TBPL1: variants seen among roughly 807,000 people sequenced by gnomAD.
TBPL1 encodes the protein TATA box-binding protein-like 1.
In TBPL1, 4 loss-of-function variants were observed where a neutral mutation model predicts 22.1. That is an observed-to-expected ratio of 0.18 (90% CI 0.09 to 0.41). TBPL1 has a LOEUF of 0.41. Ranked by LOEUF, TBPL1 falls within the 10% of genes least tolerant of loss-of-function variation. The pLI, the probability that TBPL1 is intolerant of heterozygous loss-of-function variation, is 1.00. For synonymous variants in TBPL1, 64 were observed against 71.0 expected (o/e 0.90, Z 0.50); for missense variants, 115 against 222.3 (o/e 0.52, Z 3.07).
upstream of TBPL1, chr6:133,953,082 T>G (rs1309623576): frequency 6.6e-6 from 1 of 150,896 alleles, no homozygotes; most frequent in East Asian, 2.0e-4. Flanking sequence ...ACGGGGAAAG[T>G]GACGGGAGCA....
chr6:133,964,872 T>C (rs1776091601), intron 1 of TBPL1, among the ~76,000 whole-genome samples: 1 of 152,146 alleles, frequency 6.6e-6, no homozygotes, highest in East Asian at 1.9e-4. Flanking sequence ...ATATGAGGGG[T>C]AACTCTATAA....
At chr6:133,957,096 A>G (rs992249362) in intron 1 of TBPL1, among the ~76,000 whole-genome samples, 1 of 152,208 alleles carries the variant, frequency 6.6e-6, no homozygotes, top group Non-Finnish European at 1.5e-5. Context: ...CTAAAGGGTG[A>G]TAAAATAGAG....
intron 1 of TBPL1, among the ~76,000 whole-genome samples, chr6:133,964,739 T>C (rs1223119960): frequency 6.6e-6 from 1 of 152,132 alleles, no homozygotes; most frequent in East Asian, 1.9e-4. Flanking sequence ...TGAGCCACCA[T>C]GCCCGGCCGA....
chr6:133,973,123 T>C (rs1776252863), intron 1 of TBPL1, among the ~76,000 whole-genome samples: 1 of 152,214 alleles, frequency 6.6e-6, no homozygotes, highest in Non-Finnish European at 1.5e-5. Context: ...TGTGTTGGGA[T>C]TGGGACACAA....
At chr6:133,986,432 G>A (rs535424840) in intron 6 of TBPL1, among the ~76,000 whole-genome samples, 2 of 152,012 alleles carry the variant, frequency 1.3e-5, no homozygotes, top group Non-Finnish European at 1.5e-5. Flanking sequence ...ACTTGTATAC[G>A]CTCTGAGGGT....
intron 1 of TBPL1, among the ~76,000 whole-genome samples, chr6:133,976,815 T>A (rs1776321009): frequency 6.6e-6 from 1 of 151,948 alleles, no homozygotes; most frequent in African/African-American, 2.4e-5. Flanking sequence ...GGTGAAACCC[T>A]GTCTCTACTA....
intron 2 of TBPL1, among the ~76,000 whole-genome samples, chr6:133,981,605 T>G (rs1048476584): frequency 2.0e-5 from 3 of 152,252 alleles, no homozygotes; most frequent in Non-Finnish European, 4.4e-5. Context: ...TAATGTATTT[T>G]AGTTCAAATT....
At chr6:133,955,285 C>T (rs951687106) in intron 1 of TBPL1, among the ~76,000 whole-genome samples, 2 of 150,244 alleles carry the variant, frequency 1.3e-5, no homozygotes, top group Non-Finnish European at 1.5e-5. Context: ...CAAGCCCTAG[C>T]TTCCACCTTT....
At chr6:133,979,945 C>T (rs1200393026) in intron 1 of TBPL1, 137 bp from the exon 2 acceptor site, 1 of 668,250 alleles carries the variant, frequency 1.5e-6, no homozygotes, top group Non-Finnish European at 2.1e-6. Flanking sequence ...CTGTGCCCGG[C>T]CAGGGACATG....
intron 1 of TBPL1, among the ~76,000 whole-genome samples, chr6:133,977,957 G>A (rs1337360136): frequency 6.6e-6 from 1 of 152,222 alleles, no homozygotes; most frequent in Non-Finnish European, 1.5e-5. Context: ...AGACTTCCCA[G>A]AGGATACATA....
At chr6:133,957,519 T>C (rs1775947849) in intron 1 of TBPL1, among the ~76,000 whole-genome samples, 1 of 152,218 alleles carries the variant, frequency 6.6e-6, no homozygotes, top group South Asian at 2.1e-4. Context: ...ATAAAATGGT[T>C]CCAAAGAATC....
At chr6:133,968,986 GAT>G (rs1033869581) in intron 1 of TBPL1, 5 of 152,130 alleles carry the variant, frequency 3.3e-5, no homozygotes, top group Non-Finnish European at 7.3e-5. Context: ...TTACTTTATA[GAT>G]ATATTTTAGT....
In TBPL1 at chr6:133,985,376, A is replaced by AT. The variant is rs535257177; in HGVS notation, c.481+715dup. On this transcript the variant is annotated intron_variant, in intron 6 of 6. Coordinates refer to ENST00000237264, the MANE Select transcript of TBPL1 (RefSeq NM_004865.4). The stretch of plus-strand genomic sequence containing the variant: ...TTCTGGTATATGTATCCATAGTATG[A>AT]TTTTTTTTTTGTAAATTCATGATAT... Among the ~76,000 whole-genome samples the AT allele has an allele frequency of 2.1e-3, 253 of 120,908 alleles. 3 individuals carry two copies. The highest frequency in any genetic ancestry group is 2.9e-3 in the African/African-American group (92 of 31,722). 79.3% of individuals were successfully genotyped at this position (120,908 alleles called of 152,430 possible).
At chr6:133,952,713 A>G (rs1189463144), upstream of TBPL1, 2 of 152,156 alleles carry the variant, frequency 1.3e-5, no homozygotes, top group Admixed American at 6.5e-5. This position sits in a 1 kb window ranked among gnomAD's most constrained non-coding sequence, Gnocchi z 4.5. Context: ...CAGGCAGAAA[A>G]CAAGTCTCGT....
At chr6:133,968,486 G>A (rs1776161510) in intron 1 of TBPL1, among the ~76,000 whole-genome samples, 1 of 152,022 alleles carries the variant, frequency 6.6e-6, no homozygotes, top group South Asian at 2.1e-4. Context: ...ATTATTGTTA[G>A]CATTCACTAA....
At position 133,989,266 on chromosome 6, in the gene TBPL1, A is replaced by G. The variant is rs1467518963; in HGVS notation, c.*2226A>G. The stretch of plus-strand genomic sequence containing the variant: ...TTCCCCCTTTTTATTTTTGAAAATC[A>G]AGAAGCTTGATTTGGTGTGGTGCAA... On this transcript the variant is annotated 3_prime_UTR_variant, in exon 7 of 7. Coordinates refer to ENST00000237264, the MANE Select transcript of TBPL1 (RefSeq NM_004865.4). The G allele has an allele frequency of 6.6e-6, 1 of 152,174 alleles. No homozygotes were observed. Among genetic ancestry groups the G allele is most frequent in the East Asian group, 1.9e-4 (1 of 5,198 alleles). 9.4% of individuals were successfully genotyped at this position (152,174 alleles called of 1,614,324 possible).
At chr6:133,964,273 C>A (rs1055850030) in intron 1 of TBPL1, among the ~76,000 whole-genome samples, 1 of 152,112 alleles carries the variant, frequency 6.6e-6, no homozygotes, top group Non-Finnish European at 1.5e-5. Flanking sequence ...CACCCTTCAA[C>A]CAGTTACTCA....
chr6:133,958,447 C>T (rs1775963674), intron 1 of TBPL1, among the ~76,000 whole-genome samples: 1 of 152,084 alleles, frequency 6.6e-6, no homozygotes, highest in South Asian at 2.1e-4. Context: ...CCCAGTAATT[C>T]AGGTGGCTCA....
intron 2 of TBPL1, among the ~76,000 whole-genome samples, chr6:133,982,333 A>G (rs961371479): frequency 7.2e-5 from 11 of 152,244 alleles, no homozygotes; most frequent in African/African-American, 2.4e-4. Flanking sequence ...TCAAGTATAT[A>G]GAGTGAGAGA....
Sources: gnomAD v4.1 joint callset for allele counts (sites outside exome capture counted in the v4.1 genomes callset) on GRCh38, gnomAD v4.1.1 for gene constraint, Gnocchi (gnomAD v3.1) non-coding constraint, MANE v1.5 for transcripts, NCBI Gene and HGNC (gene_info 2026-07-23, HGNC 2026-07-21) for gene names.